The following CMC1 variants were observed in gnomAD, a reference collection of about 807,000 sequenced individuals.
CMC1 encodes the protein C-X9-C motif containing 1, also known as COX assembly mitochondrial protein homolog.
A neutral mutation model predicts 14.1 loss-of-function variants in CMC1; 14 were observed. The observed-to-expected ratio is 0.99, with a 90% confidence interval of 0.66 to 1.55. The LOEUF (loss-of-function observed/expected upper bound fraction) is 1.55, where lower values mean the gene tolerates loss of function less well. Among genes scored for constraint, CMC1 ranks in the 40% most tolerant of loss-of-function variants. The pLI is 0.00. For missense variants in CMC1, 127 were observed against 123.8 expected (o/e 1.03, Z -0.12); for synonymous variants, 50 against 38.4 (o/e 1.30, Z -1.12).
chr3:28,303,103 G>GT (rs1229161388), intron 2 of CMC1, among the ~76,000 whole-genome samples: 31 of 152,212 alleles, frequency 2.0e-4, no homozygotes, highest in African/African-American at 6.7e-4. Flanking sequence ...TTACTTGATC[G>GT]TGTTTTTGTA....
chr3:28,279,322 G>A (rs1018796325), intron 2 of CMC1, among the ~76,000 whole-genome samples: 3 of 152,076 alleles, frequency 2.0e-5, no homozygotes, highest in Non-Finnish European at 4.4e-5. Context: ...CATACTCAAA[G>A]TAAATTAAAT....
At chr3:28,286,408 G>T (rs556162828) in intron 2 of CMC1, among the ~76,000 whole-genome samples, 58 of 152,182 alleles carry the variant, frequency 3.8e-4, no homozygotes, top group African/African-American at 1.3e-3. Flanking sequence ...TTTTTTCCCT[G>T]TAAGTTTTAA....
intron 1 of CMC1, among the ~76,000 whole-genome samples, chr3:28,258,993 G>A (rs539048348): frequency 1.1e-4 from 16 of 151,982 alleles, no homozygotes; most frequent in South Asian, 2.1e-4. Flanking sequence ...GCACTACGTC[G>A]TCTTGACTTC....
chr3:28,277,144 A>G (rs1214191668), intron 2 of CMC1, among the ~76,000 whole-genome samples: 1 of 152,206 alleles, frequency 6.6e-6, no homozygotes, highest in African/African-American at 2.4e-5. Context: ...TTAAAGAATA[A>G]TGATTTCTTA....
At position 28,321,141 on chromosome 3, in the gene CMC1, G is replaced by C. The variant is rs748785302; in HGVS notation, c.*1512G>C. ...CCAGGCCACAGATCAAAAGGAGGGA[G>C]ATTACTAGAGCAGACAAAAGCAAAG... On this transcript the variant is annotated 3_prime_UTR_variant, in exon 4 of 4. Transcript: ENST00000466830. 3.3e-5 allele frequency: 5 copies of C among 151,368 alleles called. No homozygotes were observed. The highest frequency in any genetic ancestry group is 7.4e-5 in the Non-Finnish European group (5 of 67,558). 9.4% of individuals were successfully genotyped at this position (151,368 alleles called of 1,614,324 possible).
chr3:28,257,035 A>T (rs185629627), intron 1 of CMC1, among the ~76,000 whole-genome samples: 83 of 152,308 alleles, frequency 5.4e-4, no homozygotes, highest in African/African-American at 1.9e-3. Context: ...ATGAAAGATG[A>T]ACAGTAACTT....
At chr3:28,272,501 C>T (rs1372484609) in intron 2 of CMC1, among the ~76,000 whole-genome samples, 3 of 151,994 alleles carry the variant, frequency 2.0e-5, no homozygotes, top group Non-Finnish European at 2.9e-5. Context: ...GCCTTTAGTT[C>T]TGTTTACGTA....
chr3:28,274,220 C>G (rs61175676), intron 2 of CMC1, among the ~76,000 whole-genome samples: 13 of 112,320 alleles, frequency 1.2e-4, no homozygotes, highest in South Asian at 3.3e-4. Context: ...TTGTTTTTTT[C>G]TTTTTTTTTT....
At chr3:28,244,859 TA>T (rs1698730300) in intron 1 of CMC1, among the ~76,000 whole-genome samples, 1 of 150,314 alleles carries the variant, frequency 6.7e-6, no homozygotes, top group South Asian at 2.1e-4. Flanking sequence ...CAATGGAGAG[TA>T]AAAAAGTGGA....
At chr3:28,314,798 C>A (rs1231177256) in intron 2 of CMC1, among the ~76,000 whole-genome samples, 3 of 151,934 alleles carry the variant, frequency 2.0e-5, no homozygotes, top group African/African-American at 7.3e-5. Context: ...TAATAAATCT[C>A]ATTTTTGGTT....
chr3:28,245,313 G>A (rs1358462219), intron 1 of CMC1, among the ~76,000 whole-genome samples: 1 of 152,054 alleles, frequency 6.6e-6, no homozygotes. Flanking sequence ...AGTAATAACA[G>A]CAATCTTTGC....
At chr3:28,284,227 A>G (rs1394066696) in intron 2 of CMC1, among the ~76,000 whole-genome samples, 2 of 152,170 alleles carry the variant, frequency 1.3e-5, no homozygotes, top group African/African-American at 4.8e-5. Context: ...AAATAGGTCT[A>G]CTATTTACTG....
intron 2 of CMC1, chr3:28,292,769 T>C (rs1701539576): frequency 6.6e-6 from 1 of 152,180 alleles, no homozygotes; most frequent in Admixed American, 6.6e-5. Flanking sequence ...CGTCTAAAAA[T>C]GTGGTCTCCA....
intron 1 of CMC1, among the ~76,000 whole-genome samples, chr3:28,242,721 G>T (rs1698596715): frequency 6.6e-6 from 1 of 152,220 alleles, no homozygotes; most frequent in Non-Finnish European, 1.5e-5. Flanking sequence ...GAGGCGAAGA[G>T]AAGTTAAGTG....
At position 28,316,378 on chromosome 3, in the gene CMC1, A is replaced by T; in HGVS notation, c.155A>T (p.Lys52Ile). The T allele has an allele frequency of 6.3e-7, 1 of 1,598,194 alleles. No individual in the cohort carries two copies. The change falls in exon 3 of 4, where the codon AAA (lysine) becomes ATA (isoleucine). Residue 52 changes from lysine (K) to isoleucine (I), a missense_variant. Physicochemically the swap from Lys to Ile is moderately radical, Grantham distance 102. Coordinates refer to ENST00000466830, the MANE Select transcript of CMC1 (RefSeq NM_182523.2). ...CKNSGVLMVV[K>I]CRKENSALKE... ...AACTCTGGAGTTCTTATGGTAGTAA[A>T]ATGCCGGAAAGAAAATTCTGCATTG...
At chr3:28,261,128 T>C (rs1379364230) in intron 1 of CMC1, among the ~76,000 whole-genome samples, 2 of 152,220 alleles carry the variant, frequency 1.3e-5, no homozygotes, top group African/African-American at 4.8e-5. Context: ...CTTAAATATA[T>C]GTTTTTGTAA....
At chr3:28,278,635 C>G (rs774467925) in intron 2 of CMC1, among the ~76,000 whole-genome samples, 1 of 152,174 alleles carries the variant, frequency 6.6e-6, no homozygotes, top group Non-Finnish European at 1.5e-5. Flanking sequence ...GTTAATTCAA[C>G]AAACTATCCT....
chr3:28,276,206 G>A (rs762227669), intron 2 of CMC1, among the ~76,000 whole-genome samples: 5 of 147,854 alleles, frequency 3.4e-5, no homozygotes, highest in Non-Finnish European at 6.0e-5. Context: ...GCCTTTGACC[G>A]CAGCTGTTGC....
At chr3:28,298,853 C>A (rs1280509280) in intron 2 of CMC1, among the ~76,000 whole-genome samples, 5 of 151,902 alleles carry the variant, frequency 3.3e-5, no homozygotes, top group African/African-American at 1.2e-4. Context: ...CTGGGAAAGT[C>A]TGTAGAAATA....
Sources: allele counts gnomAD v4.1 joint callset (sites outside exome capture counted in the v4.1 genomes callset), GRCh38; gene constraint gnomAD v4.1.1; transcripts MANE v1.5; gene names NCBI Gene and HGNC (gene_info 2026-07-23, HGNC 2026-07-21).